CTTNBP2: variants seen among roughly 807,000 people sequenced by gnomAD.
CTTNBP2 encodes the protein cortactin binding protein 2, also known as cortactin-binding protein 2.
A neutral mutation model predicts 156.9 loss-of-function variants in CTTNBP2; 108 were observed. The ratio of observed to expected loss-of-function variants is 0.69; its 90% confidence interval spans 0.59 to 0.81. CTTNBP2 has a LOEUF of 0.81. Ranked by LOEUF, CTTNBP2 falls within the 30% of genes least tolerant of loss-of-function variation. The pLI is 0.00. For synonymous variants in CTTNBP2, 767 were observed against 751.8 expected (o/e 1.02, Z -0.33); for missense variants, 1,924 against 2,035.4 (o/e 0.95, Z 1.05).
intron 16 of CTTNBP2, 111 bp from the exon 17 acceptor site, chr7:117,728,378 C>T: frequency 2.6e-6 from 2 of 768,426 alleles, no homozygotes; most frequent in Admixed American, 5.5e-5. Flanking sequence ...GTAGCTGAAT[C>T]TTATTTAACT....
chr7:117,756,537 C>T lies in CTTNBP2; in HGVS notation c.3348+18G>A. 1 of 1,592,712 alleles carries T rather than the reference C, an allele frequency of 6.3e-7. No homozygotes were observed. The highest frequency in any genetic ancestry group is 1.1e-5 in the South Asian group (1 of 90,626). On this transcript the variant is annotated intron_variant, in intron 12 of 22. Transcript: ENST00000160373. ...AGGGATGGAAAACACAGGTCTCCAC[C>T]CAGCAGTGTCCACCTACCAGCCTGA...
In CTTNBP2 at chr7:117,780,558, G is replaced by T. The variant is rs1378750491; in HGVS notation, c.2406C>A (p.Asn802Lys). 4 of 1,589,030 alleles carry T rather than the reference G, an allele frequency of 2.5e-6. No homozygotes were observed. The Admixed American group carries it at 5.3e-5, about 21-fold the overall frequency. ...GTCCTCCATCAGCAGCATGATTAAT[G>T]TTAGCATCATATGAAATTAATAATT... ...CVELLISYDA[N>K]INHAADGGQT... Residue 802 changes from asparagine to lysine, a missense_variant, in exon 7 of 23, where the codon AAC becomes AAA. Transcript: ENST00000160373.
intron 2 of CTTNBP2, among the ~76,000 whole-genome samples, chr7:117,831,368 C>G (rs1345414107): frequency 6.7e-6 from 1 of 148,772 alleles, no homozygotes; most frequent in African/African-American, 2.5e-5. Context: ...TAACATTTCT[C>G]CAGATGATTC....
At chr7:117,723,622 C>T (rs537907982) in intron 19 of CTTNBP2, among the ~76,000 whole-genome samples, 33 of 152,246 alleles carry the variant, frequency 2.2e-4, no homozygotes, top group African/African-American at 7.5e-4. Flanking sequence ...AAGGAATAGG[C>T]CTAACACCAG....
chr7:117,859,048 G>A (rs373319983), intron 2 of CTTNBP2, among the ~76,000 whole-genome samples: 1 of 152,064 alleles, frequency 6.6e-6, no homozygotes, highest in Non-Finnish European at 1.5e-5. Context: ...TTTATATATT[G>A]AGTACATCAT....
At chr7:117,714,910 G>A (rs1794258381) in intron 22 of CTTNBP2, among the ~76,000 whole-genome samples, 1 of 152,192 alleles carries the variant, frequency 6.6e-6, no homozygotes, top group Non-Finnish European at 1.5e-5. Flanking sequence ...GGTGTTTAAT[G>A]CTTCCTGGGC....
intron 3 of CTTNBP2, among the ~76,000 whole-genome samples, chr7:117,801,612 G>A (rs1036571502): frequency 1.3e-5 from 2 of 152,226 alleles, no homozygotes; most frequent in African/African-American, 4.8e-5. Flanking sequence ...AAAACTGTAT[G>A]GTGATTATGT....
At chr7:117,826,724 A>G (rs1380003629) in intron 2 of CTTNBP2, among the ~76,000 whole-genome samples, 2 of 151,710 alleles carry the variant, frequency 1.3e-5, no homozygotes, top group African/African-American at 4.8e-5. Flanking sequence ...ATTATAATAA[A>G]CTAGCTAATT....
At chr7:117,822,183 A>G (rs1381732095) in intron 2 of CTTNBP2, among the ~76,000 whole-genome samples, 1 of 152,174 alleles carries the variant, frequency 6.6e-6, no homozygotes, top group Non-Finnish European at 1.5e-5. Context: ...AAGTATTCAT[A>G]GTATTTACTG....
Position 117,825,245 on chromosome 7 carries a change from G to C in CTTNBP2, c.190-14256C>G, listed in dbSNP as rs73215980. ...TTAAGGATATGCAGTCTCTTTGGCT[G>C]TGTCTCCTTACTAGGTACAAGGAAA... On this transcript the variant is annotated intron_variant, in intron 2 of 22. Coordinates refer to ENST00000160373, the MANE Select transcript of CTTNBP2 (RefSeq NM_033427.3). Among the ~76,000 whole-genome samples the C allele has an allele frequency of 2.4e-3, 372 of 152,318 alleles. 1 individual carries two copies. The highest frequency in any genetic ancestry group is 4.4e-3 in the Non-Finnish European group (300 of 68,026).
intron 16 of CTTNBP2, among the ~76,000 whole-genome samples, chr7:117,733,171 C>T (rs1795499048): frequency 6.6e-6 from 1 of 152,146 alleles, no homozygotes; most frequent in Non-Finnish European, 1.5e-5. Flanking sequence ...TGTGACATTA[C>T]AAGATTTCTG....
At chr7:117,716,982 GCCGTTCTCATC>G in intron 22 of CTTNBP2, among the ~76,000 whole-genome samples, 1 of 152,306 alleles carries the variant, frequency 6.6e-6, no homozygotes, top group Non-Finnish European at 1.5e-5. Context: ...ACAGGTCTTT[GCCGTTCTCATC>G]TACTCCCAAG....
intron 2 of CTTNBP2, among the ~76,000 whole-genome samples, chr7:117,815,393 ATATT>A: frequency 6.6e-6 from 1 of 152,342 alleles, no homozygotes; most frequent in South Asian, 2.1e-4. Flanking sequence ...ATATTTTGAT[ATATT>A]TAATGTTGGA....
chr7:117,796,466 TCA>T (rs1306142396), intron 3 of CTTNBP2, among the ~76,000 whole-genome samples: 1 of 152,174 alleles, frequency 6.6e-6, no homozygotes, highest in Non-Finnish European at 1.5e-5. Context: ...CCATTTCAGC[TCA>T]GAGACAAATT....
chr7:117,771,557 G>C (rs943271689), intron 8 of CTTNBP2, among the ~76,000 whole-genome samples: 2 of 152,198 alleles, frequency 1.3e-5, no homozygotes, highest in Non-Finnish European at 2.9e-5. Flanking sequence ...ATGTGTTTGG[G>C]AAGGAAAGTG....
intron 17 of CTTNBP2, 91 bp downstream of exon 17, chr7:117,727,998 C>T (rs1584904998): frequency 1.7e-6 from 2 of 1,188,416 alleles, no homozygotes; most frequent in South Asian, 1.5e-5. Context: ...GGAGGTGGCA[C>T]AAGGCAGCCT....
chr7:117,712,898 T>C (rs1794136879), intron 22 of CTTNBP2, among the ~76,000 whole-genome samples: 1 of 152,154 alleles, frequency 6.6e-6, no homozygotes, highest in African/African-American at 2.4e-5. Context: ...AGCAATTAAA[T>C]CAAGGGTCCC....
intron 8 of CTTNBP2, 35 bp downstream of exon 8, chr7:117,777,476 A>G (rs1265638859): frequency 5.0e-6 from 8 of 1,593,080 alleles, no homozygotes; most frequent in African/African-American, 1.3e-5. Context: ...ATCAAATTAC[A>G]GCTGCATGAT....
At chr7:117,722,070 T>C (rs1794821490) in intron 19 of CTTNBP2, among the ~76,000 whole-genome samples, 1 of 152,220 alleles carries the variant, frequency 6.6e-6, no homozygotes, top group South Asian at 2.1e-4. Context: ...CTGTCATTAT[T>C]GTCCAAAGCA....
Sources: allele counts gnomAD v4.1 joint callset (sites outside exome capture counted in the v4.1 genomes callset), GRCh38; gene constraint gnomAD v4.1.1; transcripts MANE v1.5; gene names NCBI Gene and HGNC (gene_info 2026-07-23, HGNC 2026-07-21).